MED12L: variants seen among roughly 807,000 people sequenced by gnomAD.
MED12L encodes mediator of RNA polymerase II transcription subunit 12-like protein.
A neutral mutation model predicts 281.3 loss-of-function variants in MED12L; 60 were observed. The ratio of observed to expected loss-of-function variants is 0.21; its 90% CI spans 0.17 to 0.26. The LOEUF is 0.26. Ranked by LOEUF, MED12L falls within the 10% of genes least tolerant of loss-of-function variation. The pLI, the probability that MED12L is intolerant of heterozygous loss-of-function variation, is 1.00. For synonymous variants in MED12L, 974 were observed against 987.2 expected, an observed-to-expected ratio of 0.99 and a Z score of 0.25; for missense variants, 2,146 against 2,680.9, an observed-to-expected ratio of 0.80 and a Z score of 4.41.
intron 16 of MED12L, among the ~76,000 whole-genome samples, chr3:151,263,380 G>T (rs568080855): frequency 3.3e-5 from 5 of 152,278 alleles, no homozygotes; most frequent in African/African-American, 1.2e-4. Context: ...GGAACCAGAA[G>T]GAAATGTACA....
At chr3:151,285,146 T>A (rs988991597) in intron 16 of MED12L, among the ~76,000 whole-genome samples, 1 of 152,158 alleles carries the variant, frequency 6.6e-6, no homozygotes, top group Non-Finnish European at 1.5e-5. Flanking sequence ...ATGTTCTCAC[T>A]TATAAGTGGG....
At chr3:151,197,914 ATGAGT>A (rs943698139) in intron 16 of MED12L, 5 of 152,646 alleles carry the variant, frequency 3.3e-5, no homozygotes, top group Non-Finnish European at 7.3e-5. Context: ...TGGAGGAATA[ATGAGT>A]TGAAAGATTA....
Position 151,436,591 on chromosome 3 carries a change from A to G in MED12L, c.*3787A>G. 1 of 790,814 alleles carries G rather than the reference A, an allele frequency of 1.3e-6. No homozygotes were observed. Among genetic ancestry groups the G allele is most frequent in the Non-Finnish European group, 2.1e-6 (1 of 486,418 alleles). 49.0% of individuals were successfully genotyped at this position (790,814 alleles called of 1,614,324 possible). On this transcript the variant is annotated 3_prime_UTR_variant, in exon 45 of 45. Coordinates refer to ENST00000687756, the MANE Select transcript of MED12L (RefSeq NM_001393769.1). ...GTTCATTGTAAATTTAATACTGTAA[A>G]TGTATTCAAATTCATTTACATGCCT...
At position 151,196,643 on chromosome 3, in the gene MED12L, A is replaced by G. The variant is rs765228280; in HGVS notation, c.2250+2977A>G. Among the ~76,000 whole-genome samples, 19 of 152,224 alleles carry G rather than the reference A, an allele frequency of 1.2e-4. 1 individual carries two copies. Among genetic ancestry groups the G allele is most frequent in the Non-Finnish European group, 2.1e-4 (14 of 68,036 alleles). Reference sequence around the variant, plus strand: ...ACAGGTTCTAGTGGATAGGCATTCTACAGCCTGCAACTGAGGTAAGTCATT... The same window carrying G: ...ACAGGTTCTAGTGGATAGGCATTCTGCAGCCTGCAACTGAGGTAAGTCATT... On this transcript the variant is annotated intron_variant, in intron 16 of 44. Coordinates refer to ENST00000687756, the MANE Select transcript of MED12L (RefSeq NM_001393769.1).
Position 151,255,329 on chromosome 3 carries a change from T to G in MED12L, c.2250+61663T>G, listed in dbSNP as rs1737617662. ...TGTGTGACATGCAGTGTGACTTAAA[T>G]ATCTACCTTAGCTTTTGCCATAGTT... is the stretch of plus-strand genomic sequence containing the variant. On this transcript the variant is annotated intron_variant, in intron 16 of 44. Coordinates refer to ENST00000687756, the MANE Select transcript of MED12L (RefSeq NM_001393769.1). Among the ~76,000 whole-genome samples the G allele has an allele frequency of 3.3e-5, 5 of 152,222 alleles. No individual in the cohort carries two copies. The South Asian group carries it at 1.0e-3, about 32-fold the overall frequency.
Position 151,163,956 on chromosome 3 carries a change from G to T in MED12L, c.1171G>T (p.Ala391Ser), listed in dbSNP as rs139974900. 1.9e-6 allele frequency: 3 copies of T among 1,613,440 alleles called. No homozygotes were observed. Among genetic ancestry groups the T allele is most frequent in the Non-Finnish European group, 2.5e-6 (3 of 1,179,680 alleles). Residue 391 changes from alanine (A) to serine (S), a missense_variant, in exon 9 of 45, where the codon GCA (alanine) becomes TCA (serine). Ala to Ser is a moderately conservative substitution (Grantham distance 99, BLOSUM62 1). Transcript: ENST00000687756. Reference protein sequence around the residue: ...WNYSTNENKSANPGSPLDLLQ... With the variant: ...WNYSTNENKSSNPGSPLDLLQ... ...TTATTCCACAAATGAAAATAAGAGC[G>T]CAAACCCAGGCTCACCCCTGGATCT...
intron 2 of MED12L, among the ~76,000 whole-genome samples, chr3:151,098,841 A>G (rs921394374): frequency 2.0e-5 from 3 of 152,188 alleles, no homozygotes; most frequent in Non-Finnish European, 4.4e-5. Flanking sequence ...CACTGCTGAT[A>G]AAACGACATA....
intron 5 of MED12L, among the ~76,000 whole-genome samples, chr3:151,154,549 G>C (rs906827004): frequency 6.6e-6 from 1 of 152,066 alleles, no homozygotes; most frequent in Non-Finnish European, 1.5e-5. Flanking sequence ...GACAAAATAG[G>C]GGTGTATGAA....
intron 13 of MED12L, 41 bp downstream of exon 13, chr3:151,188,521 GGATT>G: frequency 6.6e-7 from 1 of 1,522,956 alleles, no homozygotes; most frequent in Non-Finnish European, 8.8e-7. Flanking sequence ...CTTAAATAAG[GGATT>G]GATTTTTTTT....
Position 151,416,439 on chromosome 3 carries a change from T to C in MED12L, c.6408+17T>C. 6.2e-7 allele frequency: 1 copy of C among 1,612,708 alleles called. No homozygotes were observed. The highest frequency in any genetic ancestry group is 2.2e-5 in the East Asian group (1 of 44,874). Reference sequence around the variant, plus strand: ...CAGCCCTTGGTAAGGCCTGTTGTTTTGGAATCAGACATGTGGGTTTCTTCT... The same window carrying C: ...CAGCCCTTGGTAAGGCCTGTTGTTTCGGAATCAGACATGTGGGTTTCTTCT... On this transcript the variant is annotated intron_variant, in intron 43 of 44. Transcript: ENST00000687756.
Position 151,380,230 on chromosome 3 carries a change from G to A in MED12L, c.4590+6G>A. The A allele has an allele frequency of 6.5e-7, 1 of 1,535,502 alleles. No homozygotes were observed. Among genetic ancestry groups the A allele is most frequent in the African/African-American group, 1.4e-5 (1 of 72,312 alleles). On this transcript the variant is annotated splice_donor_region_variant and intron_variant, in intron 32 of 44. Coordinates refer to ENST00000687756, the MANE Select transcript of MED12L (RefSeq NM_001393769.1). Reference sequence around the variant, plus strand: ...TCCAGAATCAAGTTAACCAGGTAAAGTATAGTATAATATTAAGACAGGCAA... The same window carrying A: ...TCCAGAATCAAGTTAACCAGGTAAAATATAGTATAATATTAAGACAGGCAA...
Position 151,190,780 on chromosome 3 carries a change from T to A in MED12L, c.1817T>A (p.Phe606Tyr), listed in dbSNP as rs774050623. ...AACCTGGTGCTGCTCTTCTGCGAGT[T>A]CATCCGCCATGATGTCTTCTCCCAT... Reference protein sequence around the residue: ...FVNLVLLFCEFIRHDVFSHDA... With the variant: ...FVNLVLLFCEYIRHDVFSHDA... The change falls in exon 14 of 45, where the codon TTC (phenylalanine) becomes TAC (tyrosine). Residue 606 changes from phenylalanine (F) to tyrosine (Y), a missense_variant. Physicochemically the swap from Phe to Tyr is conservative, Grantham distance 22. This residue lies in a region of MED12L where 722 missense variants were observed against 861.2 expected (regional missense o/e 0.84). Coordinates refer to ENST00000687756, the MANE Select transcript of MED12L (RefSeq NM_001393769.1). 1 of 1,614,218 alleles carries A rather than the reference T, an allele frequency of 6.2e-7. No homozygotes were observed. Among genetic ancestry groups the A allele is most frequent in the Non-Finnish European group, 8.5e-7 (1 of 1,180,036 alleles).
chr3:151,328,732 G>A, intron 16 of MED12L: 1 of 1,614,004 alleles, frequency 6.2e-7, no homozygotes, highest in Non-Finnish European at 8.5e-7. Flanking sequence ...TGAGCTGCCA[G>A]GGTGCCAGGT....
intron 11 of MED12L, among the ~76,000 whole-genome samples, chr3:151,170,541 T>C (rs1472303756): frequency 3.3e-5 from 5 of 152,168 alleles, no homozygotes; most frequent in Non-Finnish European, 7.4e-5. Flanking sequence ...CCCAAAGTGC[T>C]AGAATTACAG....
chr3:151,218,038 C>T (rs1191682932), intron 16 of MED12L, among the ~76,000 whole-genome samples: 1 of 152,186 alleles, frequency 6.6e-6, no homozygotes, highest in Non-Finnish European at 1.5e-5. Context: ...GTGATATCTA[C>T]TCAGTCTCCT....
At chr3:151,343,541 A>AG (rs550904843) in intron 16 of MED12L, among the ~76,000 whole-genome samples, 67 of 152,348 alleles carry the variant, frequency 4.4e-4, no homozygotes, top group African/African-American at 1.6e-3. Context: ...TTAAGTGAAA[A>AG]GTATCTCAGT....
rs993422475 is a variant in MED12L, at chr3:151,436,064, G to T, written c.*3260G>T. 2 of 152,134 alleles carry T rather than the reference G, an allele frequency of 1.3e-5. No individual in the cohort carries two copies. Among genetic ancestry groups the T allele is most frequent in the East Asian group, 3.9e-4 (2 of 5,192 alleles). The allele number at this position is 152,134 out of a possible 1,614,324, so 9.4% of individuals were successfully genotyped here. A position where few individuals can be genotyped will look rare whatever the true frequency, so the allele number is the denominator to read the frequency against. ...CCTTTTCACATTTTATGATGTGCAG[G>T]TATTACATTGCTTTTTACATGTGGA... is the stretch of plus-strand genomic sequence containing the variant. On this transcript the variant is annotated 3_prime_UTR_variant, in exon 45 of 45. Transcript: ENST00000687756.
chr3:151,294,474 C>T lies in MED12L; in HGVS notation c.2251-55585C>T, dbSNP rs1330770210. 2 of 1,614,212 alleles carry T rather than the reference C, an allele frequency of 1.2e-6. No individual in the cohort carries two copies. Among genetic ancestry groups the T allele is most frequent in the Non-Finnish European group, 1.7e-6 (2 of 1,180,030 alleles). ...AGAAAGCAGGTAAAAAACACAGCCA[C>T]AACAACCCTGATGCTCTGGTTATGT... On this transcript the variant is annotated intron_variant, in intron 16 of 44. Coordinates refer to ENST00000687756, the MANE Select transcript of MED12L (RefSeq NM_001393769.1).
rs537352696 is a variant in MED12L, at chr3:151,364,873, A to G, written c.2958-106A>G. On this transcript the variant is annotated intron_variant, in intron 21 of 44. Coordinates refer to ENST00000687756, the MANE Select transcript of MED12L (RefSeq NM_001393769.1). The stretch of plus-strand genomic sequence containing the variant: ...AGAACTCATAATGTGAATCTTCTCT[A>G]GGAATGCATTACAGTTCCTGCCATT... 2.2e-4 allele frequency: 164 copies of G among 761,452 alleles called. 2 individuals are homozygous for G. Among genetic ancestry groups the G allele is most frequent in the South Asian group, 2.0e-3 (120 of 59,604 alleles). 47.2% of individuals were successfully genotyped at this position (761,452 alleles called of 1,614,324 possible).
Sources: allele counts gnomAD v4.1 joint callset (sites outside exome capture counted in the v4.1 genomes callset), GRCh38; gene constraint gnomAD v4.1.1; regional missense constraint gnomAD v4.1.1; transcripts MANE v1.5; gene names NCBI Gene and HGNC (gene_info 2026-07-23, HGNC 2026-07-21).